Variants in SDK1 observed in about 807,000 individuals in gnomAD.
The protein encoded by SDK1 is sidekick cell adhesion molecule 1.
In SDK1, 157 loss-of-function variants were observed where a neutral mutation model predicts 245.5. The observed-to-expected ratio is 0.64, with a 90% CI of 0.56 to 0.73. SDK1 has a LOEUF of 0.73. Among genes scored for constraint, SDK1 ranks in the 30% least tolerant of loss-of-function variants. The pLI is 0.00. For missense variants in SDK1, 3,583 were observed against 3,002.3 expected, an observed-to-expected ratio of 1.19 and a Z score of -4.52; for synonymous variants, 1,647 against 1,278.5, an observed-to-expected ratio of 1.29 and a Z score of -6.15.
chr7:3,475,459 G>GTGC (rs1443936680), intron 1 of SDK1, among the ~76,000 whole-genome samples: 1 of 152,218 alleles, frequency 6.6e-6, no homozygotes, highest in Non-Finnish European at 1.5e-5. Flanking sequence ...CTCTCACTTG[G>GTGC]TGCTGCGATG....
chr7:3,952,110 G>T (rs1015409807), intron 7 of SDK1, 190 bp downstream of exon 7: 3 of 595,668 alleles, frequency 5.0e-6, no homozygotes, highest in Non-Finnish European at 8.7e-6. Context: ...TAAATCCAAA[G>T]TGTTGATGTT....
chr7:3,705,231 A>T (rs969144364), intron 4 of SDK1, among the ~76,000 whole-genome samples: 2 of 151,896 alleles, frequency 1.3e-5, no homozygotes, highest in African/African-American at 4.8e-5. Flanking sequence ...TAAAAATGAT[A>T]TAGGTATTTT....
intron 28 of SDK1, among the ~76,000 whole-genome samples, chr7:4,133,025 C>G (rs1035307457): frequency 5.7e-4 from 87 of 152,250 alleles, no homozygotes; most frequent in African/African-American, 2.1e-3. Context: ...AAATATCAGG[C>G]TATGTTGATG....
chr7:3,844,890 C>T (rs992475415), intron 5 of SDK1, among the ~76,000 whole-genome samples: 2 of 152,138 alleles, frequency 1.3e-5, no homozygotes, highest in African/African-American at 4.8e-5. Context: ...ATTAATCAAA[C>T]GACTGGTTAC....
At chr7:4,011,698 CTT>C (rs1785978838) in intron 15 of SDK1, among the ~76,000 whole-genome samples, 1 of 152,154 alleles carries the variant, frequency 6.6e-6, no homozygotes, top group South Asian at 2.1e-4. Context: ...CTGTAAATGC[CTT>C]TCTTTTTTTT....
chr7:4,001,970 C>T (rs191400195), intron 14 of SDK1, among the ~76,000 whole-genome samples: 20 of 152,350 alleles, frequency 1.3e-4, no homozygotes, highest in African/African-American at 4.6e-4. Flanking sequence ...AATAGAGTCA[C>T]ATTCATCTGG....
chr7:4,224,708 C>T (rs1055412678), intron 40 of SDK1, among the ~76,000 whole-genome samples: 8 of 152,086 alleles, frequency 5.3e-5, no homozygotes, highest in Non-Finnish European at 1.0e-4. Flanking sequence ...GTGCCGAGAG[C>T]AGATTAAAAA....
chr7:3,963,948 G>A (rs1019153374), intron 9 of SDK1, among the ~76,000 whole-genome samples: 7 of 150,856 alleles, frequency 4.6e-5, no homozygotes, highest in African/African-American at 9.8e-5. Flanking sequence ...CACCCAGGCC[G>A]ACGGCTACCC....
chr7:4,245,937 G>T, intron 44 of SDK1, 132 bp downstream of exon 44: 1 of 1,094,308 alleles, frequency 9.1e-7, no homozygotes, highest in Non-Finnish European at 1.3e-6. Context: ...AGGACAAAGG[G>T]CTTCATTATG....
At chr7:3,334,365 G>A (rs1021600024) in intron 1 of SDK1, among the ~76,000 whole-genome samples, 3 of 152,188 alleles carry the variant, frequency 2.0e-5, no homozygotes, top group Admixed American at 6.5e-5. Flanking sequence ...TGGAGCCTAC[G>A]CTTGAGAGAA....
At chr7:3,770,675 G>A (rs1166427433) in intron 4 of SDK1, among the ~76,000 whole-genome samples, 1 of 152,078 alleles carries the variant, frequency 6.6e-6, no homozygotes, top group East Asian at 1.9e-4. Flanking sequence ...TGAGAAAGGA[G>A]TCTCATGTCT....
At chr7:3,483,826 T>A (rs1041247730) in intron 1 of SDK1, among the ~76,000 whole-genome samples, 6 of 152,228 alleles carry the variant, frequency 3.9e-5, no homozygotes, top group Non-Finnish European at 8.8e-5. Context: ...ATTGGAACAT[T>A]TCTTTTTTCT....
chr7:3,591,570 C>G (rs1780876454), intron 1 of SDK1, among the ~76,000 whole-genome samples: 1 of 152,226 alleles, frequency 6.6e-6, no homozygotes, highest in Non-Finnish European at 1.5e-5. Flanking sequence ...TCACTGGGGC[C>G]TCTTCCTTTG....
intron 1 of SDK1, among the ~76,000 whole-genome samples, chr7:3,523,791 A>G (rs1783025068): frequency 6.6e-6 from 1 of 152,244 alleles, no homozygotes; most frequent in Admixed American, 6.5e-5. Context: ...AATTTTTTAA[A>G]TATTCTACCA....
chr7:3,462,086 T>C (rs1197971286), intron 1 of SDK1, among the ~76,000 whole-genome samples: 1 of 152,190 alleles, frequency 6.6e-6, no homozygotes, highest in East Asian at 1.9e-4. Context: ...GCTCGCTGCC[T>C]CAGCCCACAC....
chr7:3,937,725 C>T (rs971576823), intron 5 of SDK1, among the ~76,000 whole-genome samples: 12 of 152,366 alleles, frequency 7.9e-5, no homozygotes, highest in African/African-American at 2.2e-4. Context: ...CCTGCCCGCG[C>T]GTCCTGCAGG....
In SDK1 at chr7:4,265,117, C is replaced by G; in HGVS notation, c.6382-7C>G. Reference sequence around the variant, plus strand: ...TGCACTCACACCTTCTCTCCCGCTCCCCGCAGGCCACGGACTCTGACTACG... The same window carrying G: ...TGCACTCACACCTTCTCTCCCGCTCGCCGCAGGCCACGGACTCTGACTACG... On this transcript the variant is annotated splice_region_variant and splice_polypyrimidine_tract_variant and intron_variant, in intron 44 of 44. Transcript: ENST00000404826. The G allele has an allele frequency of 6.2e-7, 1 of 1,609,840 alleles. No individual in the cohort carries two copies. The highest frequency in any genetic ancestry group is 8.5e-7 in the Non-Finnish European group (1 of 1,179,210).
At chr7:3,585,018 C>A (rs1245198429) in intron 1 of SDK1, among the ~76,000 whole-genome samples, 1 of 152,178 alleles carries the variant, frequency 6.6e-6, no homozygotes, top group Non-Finnish European at 1.5e-5. Flanking sequence ...GCCACCGCGC[C>A]CAGCCAACTT....
At chr7:3,368,658 T>C (rs911391087) in intron 1 of SDK1, among the ~76,000 whole-genome samples, 1 of 152,170 alleles carries the variant, frequency 6.6e-6, no homozygotes, top group Non-Finnish European at 1.5e-5. Flanking sequence ...TGGGGATCTT[T>C]ATGTGCCCAT....
Sources: allele counts gnomAD v4.1 joint callset (sites outside exome capture counted in the v4.1 genomes callset), GRCh38; gene constraint gnomAD v4.1.1; transcripts MANE v1.5; gene names NCBI Gene and HGNC (gene_info 2026-07-23, HGNC 2026-07-21).